The following HNRNPUL1 variants were observed in gnomAD, a reference collection of about 807,000 sequenced individuals.
HNRNPUL1 encodes the protein heterogeneous nuclear ribonucleoprotein U-like protein 1.
HNRNPUL1 carries 14 observed loss-of-function variants against 108.5 expected under a neutral mutation model. That is an observed-to-expected ratio of 0.13 (90% CI 0.09 to 0.20). HNRNPUL1 has a LOEUF of 0.20. Ranked by LOEUF, HNRNPUL1 falls within the 10% of genes least tolerant of loss-of-function variation. HNRNPUL1 has a pLI of 1.00. For missense variants in HNRNPUL1, 804 were observed against 1,168.3 expected, an observed-to-expected ratio of 0.69 and a Z score of 4.55; for synonymous variants, 422 against 445.2, an observed-to-expected ratio of 0.95 and a Z score of 0.66.
At chr19:41,282,960 C>T (rs2122673583) in intron 7 of HNRNPUL1, among the ~76,000 whole-genome samples, 1 of 152,224 alleles carries the variant, frequency 6.6e-6, no homozygotes, top group Admixed American at 6.5e-5. Context: ...TCCCAAAGTG[C>T]TGGGATTACA....
At position 41,294,279 on chromosome 19, in the gene HNRNPUL1, C is replaced by T; in HGVS notation, c.1267-59C>T. On this transcript the variant is annotated intron_variant, in intron 8 of 14. Transcript: ENST00000392006. The surrounding 1 kb of genome is among the most constrained non-coding windows in gnomAD (Gnocchi z 4.3). Reference sequence around the variant, plus strand: ...TCCAGAGTCACACTCACAGTCACCACCGAGCCAAGTGGTGCCATACCACCA... The same window carrying T: ...TCCAGAGTCACACTCACAGTCACCATCGAGCCAAGTGGTGCCATACCACCA... 6.3e-7 allele frequency: 1 copy of T among 1,598,302 alleles called. No individual in the cohort carries two copies. Among genetic ancestry groups the T allele is most frequent in the Non-Finnish European group, 8.5e-7 (1 of 1,170,246 alleles).
At chr19:41,306,356 G>A in intron 14 of HNRNPUL1, 93 bp from the exon 15 acceptor site, 2 of 778,524 alleles carry the variant, frequency 2.6e-6, no homozygotes, top group Non-Finnish European at 4.1e-6. Context: ...TGTCACTGCA[G>A]CTGTCTCTGC....
chr19:41,304,123 C>T lies in HNRNPUL1; in HGVS notation c.2124C>T (p.Pro708=). 6 of 1,613,698 alleles carry T rather than the reference C, an allele frequency of 3.7e-6. No individual in the cohort carries two copies. The highest frequency in any genetic ancestry group is 5.1e-6 in the Non-Finnish European group (6 of 1,179,662). The change falls in exon 13 of 15, where the codon CCC becomes CCT. Residue 708 remains proline, a synonymous_variant. Coordinates refer to ENST00000392006, the MANE Select transcript of HNRNPUL1 (RefSeq NM_007040.6). ...AGCCTCCGCCACCACAGCCACCACCCCAGCAGCCACCGCCACCACCCAGCT... is the reference window on the plus strand; with the variant it reads ...AGCCTCCGCCACCACAGCCACCACCTCAGCAGCCACCGCCACCACCCAGCT... ...PQQPPPPQPP[P]QQPPPPPSYS... is the part of the protein sequence containing the mutation.
Position 41,294,586 on chromosome 19 carries a change from A to G in HNRNPUL1, c.1418A>G (p.Tyr473Cys). The G allele has an allele frequency of 1.9e-6, 3 of 1,614,150 alleles. No individual in the cohort carries two copies. Among genetic ancestry groups the G allele is most frequent in the African/African-American group, 1.3e-5 (1 of 75,030 alleles). The change falls in exon 10 of 15, where the codon TAT (tyrosine) becomes TGT (cysteine). Residue 473 changes from tyrosine (Y) to cysteine (C), a missense_variant. Coordinates refer to ENST00000392006, the MANE Select transcript of HNRNPUL1 (RefSeq NM_007040.6). The surrounding 1 kb of genome is among the most constrained non-coding windows in gnomAD (Gnocchi z 4.3). ...ATGGGCCTACGCCGGCAGCGGAACT[A>G]TGCTGGCCGCTGGGATGTCCTGATC... ...RVMGLRRQRN[Y>C]AGRWDVLIQQ... is the part of the protein sequence containing the mutation.
chr19:41,301,530 C>T lies in HNRNPUL1; in HGVS notation c.1519-6C>T. ...TCTCTTGCCTCTTCTGTTACCTTAC[C>T]CTTAGACAAATGTTTATGGGTCAGC... On this transcript the variant is annotated splice_region_variant and splice_polypyrimidine_tract_variant and intron_variant, in intron 10 of 14. Transcript: ENST00000392006. 6.2e-7 allele frequency: 1 copy of T among 1,609,174 alleles called. No homozygotes were observed. Among genetic ancestry groups the T allele is most frequent in the Non-Finnish European group, 8.5e-7 (1 of 1,178,222 alleles).
At chr19:41,283,671 G>C (rs1162941242) in intron 7 of HNRNPUL1, among the ~76,000 whole-genome samples, 1 of 152,132 alleles carries the variant, frequency 6.6e-6, no homozygotes, top group African/African-American at 2.4e-5. Context: ...GGCTAGGCTG[G>C]TCTTGAACTC....
chr19:41,273,986 C>A lies in HNRNPUL1; in HGVS notation c.577C>A (p.Arg193Ser). 1 of 1,613,774 alleles carries A rather than the reference C, an allele frequency of 6.2e-7. No homozygotes were observed. Among genetic ancestry groups the A allele is most frequent in the Non-Finnish European group, 8.5e-7 (1 of 1,179,726 alleles). ...TAACCCCTGTTTCTAATACAGGGGC[C>A]GCTCTCCTCAGCCTCCTGCTGAAGA... ...YFEHREDRRG[R>S]SPQPPAEEDE... Residue 193 changes from arginine (R) to serine (S), a missense_variant, in exon 4 of 15, where the codon CGC becomes AGC. Physicochemically the swap from Arg to Ser is moderately radical, Grantham distance 110. Around this residue, in one of 4 missense-constraint regions of HNRNPUL1, gnomAD observed 174 missense variants for 296.6 expected, o/e 0.59. Coordinates refer to ENST00000392006, the MANE Select transcript of HNRNPUL1 (RefSeq NM_007040.6).
At chr19:41,288,285 G>T (rs968924133) in intron 7 of HNRNPUL1, among the ~76,000 whole-genome samples, 4 of 147,952 alleles carry the variant, frequency 2.7e-5, no homozygotes, top group African/African-American at 1.0e-4. Context: ...TGCTCTTGTT[G>T]CCCAGGCTGG....
chr19:41,287,741 G>A (rs1378463139), intron 7 of HNRNPUL1, among the ~76,000 whole-genome samples: 2 of 152,014 alleles, frequency 1.3e-5, no homozygotes, highest in Admixed American at 6.6e-5. Flanking sequence ...TGTATTTTTA[G>A]TAGAGTCGGG....
chr19:41,277,296 C>T (rs1370447915), intron 5 of HNRNPUL1, among the ~76,000 whole-genome samples: 1 of 152,076 alleles, frequency 6.6e-6, no homozygotes, highest in Non-Finnish European at 1.5e-5. Flanking sequence ...CAGCACCAAG[C>T]TCTTTACATG....
Position 41,294,223 on chromosome 19 carries a change from C to T in HNRNPUL1, c.1267-115C>T. On this transcript the variant is annotated intron_variant, in intron 8 of 14. Transcript: ENST00000392006. The surrounding 1 kb of genome is among the most constrained non-coding windows in gnomAD (Gnocchi z 4.3). ...TGTGAGGTAGATGGTATTACTGCTTCCGCTTTGTAGAGGCAGCCACAGCTC... is the reference window on the plus strand; with the variant it reads ...TGTGAGGTAGATGGTATTACTGCTTTCGCTTTGTAGAGGCAGCCACAGCTC... The T allele has an allele frequency of 8.3e-7, 1 of 1,199,920 alleles. No homozygotes were observed. The highest frequency in any genetic ancestry group is 1.2e-6 in the Non-Finnish European group (1 of 834,820). The allele number at this position is 1,199,920 out of a possible 1,614,324, so 74.3% of individuals were successfully genotyped here. A position where few individuals can be genotyped will look rare whatever the true frequency, so the allele number is the denominator to read the frequency against.
intron 10 of HNRNPUL1, among the ~76,000 whole-genome samples, chr19:41,295,569 A>G (rs998468): frequency 0.065 from 9,911 of 152,148 alleles, 893 homozygotes; most frequent in African/African-American, 0.19. Context: ...CTTATTTTCT[A>G]TGTTTGGGGA....
chr19:41,264,212 C>A (rs1451561161), upstream of HNRNPUL1: 5 of 319,988 alleles, frequency 1.6e-5, no homozygotes, highest in East Asian at 2.4e-4. Flanking sequence ...AACGCTTCCT[C>A]CCCAGTAGCT....
chr19:41,301,501 AC>A (rs745457580), intron 10 of HNRNPUL1, 34 bp from the exon 11 acceptor site: 49 of 1,583,752 alleles, frequency 3.1e-5, no homozygotes, highest in Non-Finnish European at 1.2e-5. Context: ...CTCTTAATGT[AC>A]CATCTCTTGC....
intron 10 of HNRNPUL1, among the ~76,000 whole-genome samples, chr19:41,301,077 G>T (rs2037183921): frequency 6.6e-6 from 1 of 152,148 alleles, no homozygotes; most frequent in African/African-American, 2.4e-5. Flanking sequence ...TTCTTTTTGT[G>T]TAAAAAAATC....
Position 41,268,355 on chromosome 19 carries a change from T to C in HNRNPUL1, c.418+10T>C. On this transcript the variant is annotated intron_variant, in intron 2 of 14. Coordinates refer to ENST00000392006, the MANE Select transcript of HNRNPUL1 (RefSeq NM_007040.6). ...CAGGCCTATCGTCCAGGTAGGAAAA[T>C]ACACATGGTTCATCTCTTTGGATGG... 1.9e-6 allele frequency: 3 copies of C among 1,612,578 alleles called. No individual in the cohort carries two copies. The highest frequency in any genetic ancestry group is 2.5e-6 in the Non-Finnish European group (3 of 1,179,382).
At chr19:41,306,417 G>C in intron 14 of HNRNPUL1, 32 bp from the exon 15 acceptor site, 1 of 1,495,020 alleles carries the variant, frequency 6.7e-7, no homozygotes, top group Non-Finnish European at 9.1e-7. Context: ...GTGGATGCAG[G>C]ACAACTTGGT....
At chr19:41,276,522 C>T in intron 5 of HNRNPUL1, 1 of 452,334 alleles carries the variant, frequency 2.2e-6, no homozygotes, top group East Asian at 3.6e-5. Flanking sequence ...CAGATATTTC[C>T]TTGGTGAGAT....
At chr19:41,295,073 G>C (rs968721186) in intron 10 of HNRNPUL1, among the ~76,000 whole-genome samples, 3 of 152,180 alleles carry the variant, frequency 2.0e-5, no homozygotes, top group African/African-American at 7.2e-5. Context: ...GTAAAACAGG[G>C]ATCTCAATAC....
Sources: allele counts gnomAD v4.1 joint callset (sites outside exome capture counted in the v4.1 genomes callset), GRCh38; gene constraint gnomAD v4.1.1; regional missense constraint gnomAD v4.1.1; non-coding constraint Gnocchi (gnomAD v3.1); transcripts MANE v1.5; gene names NCBI Gene and HGNC (gene_info 2026-07-23, HGNC 2026-07-21).